Variants in PLD1 observed in about 807,000 individuals in gnomAD.
The protein encoded by PLD1 is phospholipase D1.
A neutral mutation model predicts 137.1 loss-of-function variants in PLD1; 112 were observed. That is an observed-to-expected ratio of 0.82 (90% CI 0.70 to 0.96). The LOEUF is 0.96. Among genes scored for constraint, PLD1 ranks in the 40% least tolerant of loss-of-function variants. The pLI is 0.00. For synonymous variants in PLD1, 431 were observed against 454.7 expected, an observed-to-expected ratio of 0.95 and a Z score of 0.66; for missense variants, 1,321 against 1,342.0, an observed-to-expected ratio of 0.98 and a Z score of 0.24.
rs73176161 is a variant in PLD1, at chr3:171,638,321, C to T, written c.2593+4519G>A. Reference sequence around the variant, plus strand: ...ACTACTGTGGACTTTATAAACACTGCGCACTTAGGCTACATTAAATTTTTA... The same window carrying T: ...ACTACTGTGGACTTTATAAACACTGTGCACTTAGGCTACATTAAATTTTTA... On this transcript the variant is annotated intron_variant, in intron 23 of 26. Transcript: ENST00000351298. Among the ~76,000 whole-genome samples, 337 of 151,866 alleles carry T rather than the reference C, an allele frequency of 2.2e-3. 1 individual carries two copies. The highest frequency in any genetic ancestry group is 2.2e-3 in the Non-Finnish European group (147 of 67,962).
intron 23 of PLD1, among the ~76,000 whole-genome samples, chr3:171,640,852 T>C (rs1033758568): frequency 2.6e-5 from 4 of 152,356 alleles, no homozygotes; most frequent in African/African-American, 9.6e-5. Context: ...CTTATCCTCT[T>C]AAGATTTTTA....
rs757297763 is a variant in PLD1 at position 171,737,903 on chromosome 3, T to C, written c.149A>G (p.Lys50Arg). Residue 50 changes from lysine to arginine, a missense_variant, in exon 2 of 27, where the codon AAG becomes AGG. Physicochemically the swap from Lys to Arg is conservative, Grantham distance 26 (BLOSUM62 2). Transcript: ENST00000351298. ...VDYDVSPSDP[K>R]IQEVYIPFSA... ...TCATCCGTCTTTACCTTCTTGTATCTTGGGATCGCTGGGAGACACGTCGTA... is the reference window on the plus strand; with the variant it reads ...TCATCCGTCTTTACCTTCTTGTATCCTGGGATCGCTGGGAGACACGTCGTA... The C allele has an allele frequency of 2.1e-5, 34 of 1,613,674 alleles. No homozygotes were observed. The East Asian group carries it at 6.9e-4, about 33-fold the overall frequency.
chr3:171,609,565 C>A, intron 25 of PLD1, among the ~76,000 whole-genome samples: 1 of 147,258 alleles, frequency 6.8e-6, no homozygotes. Context: ...CCAGAGAAAA[C>A]TACTCAGCCA....
chr3:171,663,559 C>G lies in PLD1; in HGVS notation c.2230-1389G>C, dbSNP rs538544500. ...ATTAGAAGATGTGTTTGAGCTGTGGCAGGTCATGTCAGGGATGCTGCAGAG... is the reference window on the plus strand; with the variant it reads ...ATTAGAAGATGTGTTTGAGCTGTGGGAGGTCATGTCAGGGATGCTGCAGAG... On this transcript the variant is annotated intron_variant, in intron 19 of 26. Coordinates refer to ENST00000351298, the MANE Select transcript of PLD1 (RefSeq NM_002662.5). Among the ~76,000 whole-genome samples, 43 of 152,262 alleles carry G rather than the reference C, an allele frequency of 2.8e-4. 1 individual carries two copies. In the South Asian group the frequency reaches 8.9e-3, roughly 32 times the overall value.
At chr3:171,753,808 T>C (rs1720830932) in intron 1 of PLD1, among the ~76,000 whole-genome samples, 1 of 152,196 alleles carries the variant, frequency 6.6e-6, no homozygotes, top group African/African-American at 2.4e-5. Flanking sequence ...GTATCTCAAT[T>C]ACACATATGT....
Position 171,688,841 on chromosome 3 carries a change from G to A in PLD1, c.1374C>T (p.Val458=). Residue 458 remains valine (V), a synonymous_variant, in exon 14 of 27, where the codon GTC becomes GTT. Coordinates refer to ENST00000351298, the MANE Select transcript of PLD1 (RefSeq NM_002662.5). The stretch of plus-strand genomic sequence containing the variant: ...GCTTCTCATGGTGAGCCCACAAATA[G>A]ACGGTGGATGACACATGATCCGGGT... The part of the protein sequence containing the change: ...MRHPDHVSST[V]YLWAHHEKLV... The A allele has an allele frequency of 6.2e-7, 1 of 1,614,064 alleles. No individual in the cohort carries two copies. Among genetic ancestry groups the A allele is most frequent in the South Asian group, 1.1e-5 (1 of 91,078 alleles).
intron 15 of PLD1, 95 bp from the exon 16 acceptor site, chr3:171,686,893 T>C: frequency 1.6e-6 from 1 of 630,328 alleles, no homozygotes; most frequent in African/African-American, 1.9e-5. Flanking sequence ...CAGGCAGGGC[T>C]ATAACATCAG....
intron 19 of PLD1, among the ~76,000 whole-genome samples, chr3:171,673,225 T>C (rs1214752273): frequency 1.3e-5 from 2 of 150,686 alleles, no homozygotes; most frequent in Admixed American, 1.3e-4. Flanking sequence ...GAGTTTAAAT[T>C]AGTTTTCTTT....
intron 16 of PLD1, among the ~76,000 whole-genome samples, chr3:171,684,709 C>T (rs1714372483): frequency 1.3e-5 from 2 of 152,206 alleles, no homozygotes; most frequent in South Asian, 4.1e-4. Context: ...AATTCTCCCA[C>T]CTCAGCTGCC....
chr3:171,666,000 G>T (rs1712095541), intron 19 of PLD1, among the ~76,000 whole-genome samples: 1 of 152,158 alleles, frequency 6.6e-6, no homozygotes, highest in Non-Finnish European at 1.5e-5. Flanking sequence ...ATTCTAATTA[G>T]TTAAAATCTC....
rs1553797587 is a variant in PLD1, at chr3:171,609,553, C to CACA, written c.2882+2725_2882+2726insTGT. Among the ~76,000 whole-genome samples, 922 of 136,198 alleles carry CACA rather than the reference C, an allele frequency of 6.8e-3. 22 individuals carry two copies. Among genetic ancestry groups the CACA allele is most frequent in the African/African-American group, 0.027 (883 of 33,310 alleles). The allele number at this position is 136,198 out of a possible 152,430, so 89.4% of individuals were successfully genotyped here. Reference sequence around the variant, plus strand: ...ACACACACACACACACACACACACACACCAGAGAAAACTACTCAGCCATAA... The same window carrying CACA: ...ACACACACACACACACACACACACACACAACCAGAGAAAACTACTCAGCCATAA... On this transcript the variant is annotated intron_variant, in intron 25 of 26. Transcript: ENST00000351298.
At chr3:171,707,030 G>C (rs1716748154) in intron 11 of PLD1, among the ~76,000 whole-genome samples, 1 of 152,174 alleles carries the variant, frequency 6.6e-6, no homozygotes, top group African/African-American at 2.4e-5. Flanking sequence ...CATGGATGGA[G>C]CTGGAGGCCA....
At chr3:171,617,247 C>T (rs1350354940) in intron 24 of PLD1, among the ~76,000 whole-genome samples, 1 of 152,148 alleles carries the variant, frequency 6.6e-6, no homozygotes, top group African/African-American at 2.4e-5. Flanking sequence ...GAAATATCCC[C>T]CTCTTTACTG....
chr3:171,618,676 G>T (rs1191922683), intron 24 of PLD1, among the ~76,000 whole-genome samples: 1 of 151,664 alleles, frequency 6.6e-6, no homozygotes, highest in Non-Finnish European at 1.5e-5. Flanking sequence ...GGAGATAAAA[G>T]AACAGTATTT....
intron 1 of PLD1, among the ~76,000 whole-genome samples, chr3:171,800,334 A>G (rs1236240306): frequency 1.3e-5 from 2 of 151,922 alleles, no homozygotes. Flanking sequence ...TCAGCCTCCC[A>G]AGTAGCTGTG....
intron 19 of PLD1, among the ~76,000 whole-genome samples, chr3:171,674,272 C>A (rs2108472876): frequency 6.6e-6 from 1 of 152,288 alleles, no homozygotes; most frequent in East Asian, 1.9e-4. Context: ...TGGCTGTGGC[C>A]TTTTCTAAGG....
At chr3:171,708,873 A>C in intron 10 of PLD1, 35 bp from the exon 11 acceptor site, 5 of 1,317,844 alleles carry the variant, frequency 3.8e-6, no homozygotes, top group Non-Finnish European at 4.4e-6. Flanking sequence ...TTTTGTTATT[A>C]AAAAAGAAAA....
intron 21 of PLD1, chr3:171,653,216 T>C (rs953513261): frequency 6.6e-6 from 1 of 152,208 alleles, no homozygotes; most frequent in Admixed American, 6.5e-5. Flanking sequence ...GGTATAGCAC[T>C]GATTATGTGG....
At position 171,609,549 on chromosome 3, in the gene PLD1, CA is replaced by C. The variant is rs1560140721; in HGVS notation, c.2882+2729del. On this transcript the variant is annotated intron_variant, in intron 25 of 26. Transcript: ENST00000351298. The stretch of plus-strand genomic sequence containing the variant: ...ACACACACACACACACACACACACA[CA>C]CACACCAGAGAAAACTACTCAGCCA... Among the ~76,000 whole-genome samples the C allele has an allele frequency of 1.3e-3, 185 of 144,610 alleles. 1 individual carries two copies. The highest frequency in any genetic ancestry group is 4.6e-3 in the African/African-American group (162 of 35,428). The allele number at this position is 144,610 out of a possible 152,430, so 94.9% of individuals were successfully genotyped here. A position where few individuals can be genotyped will look rare whatever the true frequency, so the allele number is the denominator to read the frequency against.
Sources: gnomAD v4.1 joint callset for allele counts (sites outside exome capture counted in the v4.1 genomes callset) on GRCh38, gnomAD v4.1.1 for gene constraint, MANE v1.5 for transcripts, NCBI Gene and HGNC (gene_info 2026-07-23, HGNC 2026-07-21) for gene names.